The following SMG6 variants were observed in gnomAD, a reference collection of about 807,000 sequenced individuals.
The protein encoded by SMG6 is telomerase-binding protein EST1A.
In SMG6, 66 loss-of-function variants were observed where a neutral mutation model predicts 142.2. That is an observed-to-expected ratio of 0.46 (90% CI 0.38 to 0.57). The LOEUF (loss-of-function observed/expected upper bound fraction) is 0.57. SMG6 is among the 20% of genes least tolerant of loss of function. The probability of loss-of-function intolerance (pLI) is 0.00; values close to 1 mark genes in which losing one functional copy is unlikely to be tolerated. For synonymous variants in SMG6, 779 were observed against 702.4 expected (o/e 1.11, Z -1.72); for missense variants, 1,793 against 1,832.0 (o/e 0.98, Z 0.39).
intron 9 of SMG6, among the ~76,000 whole-genome samples, chr17:2,241,539 T>TA (rs954549557): frequency 2.0e-5 from 3 of 152,222 alleles, no homozygotes; most frequent in African/African-American, 4.8e-5. Flanking sequence ...TTCTGGCTTT[T>TA]AAAAAAATTA....
At chr17:2,232,624 G>A (rs1364231876) in intron 10 of SMG6, 1 of 152,202 alleles carries the variant, frequency 6.6e-6, no homozygotes, top group African/African-American at 2.4e-5. Context: ...AACTACCTGA[G>A]TGTGCAGTAT....
chr17:2,299,680 G>C lies in SMG6; in HGVS notation c.1073C>G (p.Ala358Gly), dbSNP rs79404083. 1.5e-5 allele frequency: 24 copies of C among 1,614,130 alleles called. No individual in the cohort carries two copies. Among genetic ancestry groups the C allele is most frequent in the Non-Finnish European group, 1.9e-5 (23 of 1,180,026 alleles). The change falls in exon 2 of 19, where the codon GCC becomes GGC. Residue 358 changes from alanine to glycine, a missense_variant. By Grantham distance (60) the Ala-to-Gly change is moderately conservative (BLOSUM62 0). This residue lies in a region of SMG6 where 1,597 missense variants were observed against 1,584.6 expected (regional missense o/e 1.01). Coordinates refer to ENST00000263073, the MANE Select transcript of SMG6 (RefSeq NM_017575.5). The surrounding 1 kb of genome is among the most constrained non-coding windows in gnomAD (Gnocchi z 4.3). ...CACCATGGGAGACTCTTTGTTCATG[G>C]CTTCTGCATCGAAAGTGACACGAAG... ...GTLRVTFDAE[A>G]MNKESPMVRS...
chr17:2,245,153 G>A (rs1482801346), intron 8 of SMG6, among the ~76,000 whole-genome samples: 1 of 152,152 alleles, frequency 6.6e-6, no homozygotes, highest in Non-Finnish European at 1.5e-5. Flanking sequence ...TAGGAAAGCA[G>A]GACTCTTTGA....
chr17:2,096,833 C>G (rs2030952309), intron 13 of SMG6, among the ~76,000 whole-genome samples: 1 of 144,686 alleles, frequency 6.9e-6, no homozygotes, highest in Non-Finnish European at 1.5e-5. Context: ...AAGGACTCCA[C>G]AGGAACCTCA....
At chr17:2,258,825 A>G (rs11078018) in intron 8 of SMG6, among the ~76,000 whole-genome samples, 63,217 of 149,088 alleles carry the variant, frequency 0.42, 14,483 homozygotes, top group African/African-American at 0.61. Context: ...AACTGGCGCG[A>G]TGGCTCACAC....
intron 13 of SMG6, among the ~76,000 whole-genome samples, chr17:2,091,885 T>A (rs2068732068): frequency 6.6e-6 from 1 of 151,268 alleles, no homozygotes; most frequent in African/African-American, 2.4e-5. Context: ...GGTTTCACCG[T>A]GTTAGCCAGG....
At chr17:2,246,306 A>C (rs988358727) in intron 8 of SMG6, among the ~76,000 whole-genome samples, 8 of 152,226 alleles carry the variant, frequency 5.3e-5, no homozygotes, top group Non-Finnish European at 1.0e-4. Flanking sequence ...AAGAGAAGTG[A>C]AGAATCTTGA....
chr17:2,209,680 T>C (rs906678200), intron 10 of SMG6, among the ~76,000 whole-genome samples: 6 of 152,136 alleles, frequency 3.9e-5, no homozygotes, highest in African/African-American at 1.4e-4. Context: ...TTTGTATTTT[T>C]AGTAGAGAAG....
intron 13 of SMG6, among the ~76,000 whole-genome samples, chr17:2,171,021 TC>T (rs1472168578): frequency 6.6e-6 from 1 of 152,190 alleles, no homozygotes; most frequent in Middle Eastern, 3.2e-3. Context: ...AGACCTATAA[TC>T]CCAGCACTTT....
intron 13 of SMG6, among the ~76,000 whole-genome samples, chr17:2,115,852 G>A (rs1186622048): frequency 1.3e-5 from 2 of 151,978 alleles, no homozygotes; most frequent in South Asian, 2.1e-4. Context: ...GTAGCTAAGC[G>A]TGTACCACCA....
chr17:2,070,673 A>G (rs1012782791), intron 15 of SMG6, among the ~76,000 whole-genome samples: 2 of 152,224 alleles, frequency 1.3e-5, no homozygotes, highest in Non-Finnish European at 2.9e-5. Flanking sequence ...CACTGCCACC[A>G]CAGCTGGTAA....
At chr17:2,208,478 C>T (rs1232950480) in intron 10 of SMG6, among the ~76,000 whole-genome samples, 2 of 152,218 alleles carry the variant, frequency 1.3e-5, no homozygotes, top group African/African-American at 4.8e-5. Flanking sequence ...GGGTCCACAG[C>T]GCAGACCCCA....
intron 9 of SMG6, among the ~76,000 whole-genome samples, chr17:2,243,644 C>T (rs2073863718): frequency 6.6e-6 from 1 of 152,164 alleles, no homozygotes; most frequent in South Asian, 2.1e-4. Flanking sequence ...CATGCCGCTG[C>T]ACTCCAGCCT....
intron 8 of SMG6, among the ~76,000 whole-genome samples, chr17:2,253,126 T>TA (rs2074085256): frequency 6.8e-6 from 1 of 147,380 alleles, no homozygotes; most frequent in South Asian, 2.1e-4. Flanking sequence ...TTATTTTATT[T>TA]ATTTATTTAT....
intron 6 of SMG6, among the ~76,000 whole-genome samples, chr17:2,288,012 A>G (rs1213209929): frequency 1.3e-5 from 2 of 152,220 alleles, no homozygotes; most frequent in Non-Finnish European, 2.9e-5. Context: ...CTGAAGCTAC[A>G]CTTAAAAATG....
intron 12 of SMG6, among the ~76,000 whole-genome samples, chr17:2,184,760 T>C (rs1267849066): frequency 1.5e-5 from 2 of 137,100 alleles, no homozygotes; most frequent in African/African-American, 2.8e-5. Context: ...AGGTCAGGAG[T>C]TTGAGACCAG....
intron 10 of SMG6, among the ~76,000 whole-genome samples, chr17:2,190,149 A>AG (rs1232667190): frequency 9.9e-5 from 15 of 152,220 alleles, no homozygotes; most frequent in Admixed American, 9.8e-4. Context: ...CATAGGCAGC[A>AG]GCACTGTCAG....
intron 13 of SMG6, among the ~76,000 whole-genome samples, chr17:2,134,917 T>A (rs1223028530): frequency 6.6e-6 from 1 of 152,060 alleles, no homozygotes; most frequent in Non-Finnish European, 1.5e-5. Context: ...TCTCACTCTG[T>A]CACCCAGGCT....
chr17:2,277,631 G>C (rs2074691651), intron 8 of SMG6, among the ~76,000 whole-genome samples: 2 of 152,130 alleles, frequency 1.3e-5, no homozygotes, highest in Admixed American at 1.3e-4. Context: ...ATTTTGCACA[G>C]CACAGCAATT....
Sources: gnomAD v4.1 joint callset for allele counts (sites outside exome capture counted in the v4.1 genomes callset) on GRCh38, gnomAD v4.1.1 for gene constraint, gnomAD v4.1.1 regional missense constraint, Gnocchi (gnomAD v3.1) non-coding constraint, MANE v1.5 for transcripts, NCBI Gene and HGNC (gene_info 2026-07-23, HGNC 2026-07-21) for gene names.